Variants in CSMD3 observed in about 807,000 individuals in gnomAD.
The protein encoded by CSMD3 is CUB and Sushi multiple domains 3.
Under a neutral mutation model 435.2 loss-of-function variants are expected in CSMD3, and 177 were observed. That is an observed-to-expected ratio of 0.41 (90% CI 0.36 to 0.46). The LOEUF is 0.46. Ranked by LOEUF, CSMD3 falls within the 20% of genes least tolerant of loss-of-function variation. The pLI, the probability that CSMD3 is intolerant of heterozygous loss-of-function variation, is 0.34. For missense variants in CSMD3, 4,265 were observed against 4,504.6 expected (o/e 0.95, Z 1.52); for synonymous variants, 1,656 against 1,520.5 (o/e 1.09, Z -2.07).
chr8:112,962,394 C>G (rs1283408010), intron 7 of CSMD3, among the ~76,000 whole-genome samples: 1 of 151,724 alleles, frequency 6.6e-6, no homozygotes, highest in Non-Finnish European at 1.5e-5. Context: ...ATAAGGCCTT[C>G]TAATATGAGA....
At chr8:112,901,347 G>T (rs1350933228) in intron 10 of CSMD3, among the ~76,000 whole-genome samples, 1 of 151,156 alleles carries the variant, frequency 6.6e-6, no homozygotes, top group African/African-American at 2.4e-5. Flanking sequence ...CTGCTACAGT[G>T]GTGCTTTGGC....
At chr8:112,919,555 T>A (rs2082673339) in intron 10 of CSMD3, among the ~76,000 whole-genome samples, 2 of 151,848 alleles carry the variant, frequency 1.3e-5, no homozygotes, top group Admixed American at 1.3e-4. Context: ...TTAACATTAA[T>A]CTCCTTTTCT....
At chr8:112,642,602 A>C (rs1286449570) in intron 20 of CSMD3, among the ~76,000 whole-genome samples, 2 of 152,202 alleles carry the variant, frequency 1.3e-5, no homozygotes, top group East Asian at 1.9e-4. Flanking sequence ...AGAACATCTG[A>C]CTACACAATG....
intron 45 of CSMD3, among the ~76,000 whole-genome samples, chr8:112,329,917 T>A (rs1272380191): frequency 6.6e-6 from 1 of 151,900 alleles, no homozygotes; most frequent in Non-Finnish European, 1.5e-5. Flanking sequence ...TATACACACA[T>A]ATACACACAA....
chr8:112,335,152 T>C (rs957232021), intron 45 of CSMD3, among the ~76,000 whole-genome samples, 177 bp downstream of exon 45: 2 of 152,218 alleles, frequency 1.3e-5, no homozygotes, highest in Non-Finnish European at 1.5e-5. Flanking sequence ...CCCTGAATAC[T>C]TAGAAGAGGT....
intron 45 of CSMD3, among the ~76,000 whole-genome samples, chr8:112,330,287 G>A (rs1321021502): frequency 6.6e-6 from 1 of 151,964 alleles, no homozygotes; most frequent in African/African-American, 2.4e-5. Flanking sequence ...ACAATAATGA[G>A]TCATTATGTA....
chr8:112,327,113 T>G (rs1267641922), intron 45 of CSMD3, among the ~76,000 whole-genome samples: 1 of 152,182 alleles, frequency 6.6e-6, no homozygotes, highest in African/African-American at 2.4e-5. Context: ...TCCATGAGTT[T>G]AGCAACACAC....
At chr8:112,640,467 T>G (rs527273197) in intron 20 of CSMD3, among the ~76,000 whole-genome samples, 1 of 152,102 alleles carries the variant, frequency 6.6e-6, no homozygotes, top group African/African-American at 2.4e-5. Context: ...AAACAAATGA[T>G]TGAAAACACA....
chr8:112,575,834 G>C (rs1829897219), intron 23 of CSMD3, among the ~76,000 whole-genome samples: 2 of 152,002 alleles, frequency 1.3e-5, no homozygotes, highest in Admixed American at 1.3e-4. Flanking sequence ...ATTCTCAAAA[G>C]TATGCTTCTG....
At chr8:112,430,894 A>ATGTGTGTG (rs998332829) in intron 32 of CSMD3, among the ~76,000 whole-genome samples, 184 of 102,186 alleles carry the variant, frequency 1.8e-3, no homozygotes, top group African/African-American at 6.9e-3. Flanking sequence ...GTTTGTGTGT[A>ATGTGTGTG]TATGTGTGTG....
intron 38 of CSMD3, among the ~76,000 whole-genome samples, chr8:112,361,649 G>T (rs1163213087): frequency 7.2e-6 from 1 of 139,094 alleles, no homozygotes; most frequent in Non-Finnish European, 1.5e-5. Flanking sequence ...GATTTCAAAT[G>T]AGTGATTAAC....
intron 32 of CSMD3, among the ~76,000 whole-genome samples, chr8:112,412,387 A>G (rs746293287): frequency 1.3e-5 from 2 of 152,046 alleles, no homozygotes; most frequent in African/African-American, 2.4e-5. Context: ...TTCATTTCCA[A>G]GCACATACAG....
At chr8:112,360,315 C>G (rs1021273383) in intron 38 of CSMD3, among the ~76,000 whole-genome samples, 4 of 151,896 alleles carry the variant, frequency 2.6e-5, no homozygotes, top group Non-Finnish European at 4.4e-5. Context: ...CGACAGTTTC[C>G]TTCTCCAAGA....
intron 3 of CSMD3, among the ~76,000 whole-genome samples, chr8:113,254,883 G>A (rs867312963): frequency 6.6e-6 from 1 of 151,870 alleles, no homozygotes; most frequent in Non-Finnish European, 1.5e-5. Context: ...AATCACACTT[G>A]GCATTCATTC....
intron 1 of CSMD3, among the ~76,000 whole-genome samples, chr8:113,412,567 A>G (rs1336600919): frequency 6.6e-6 from 1 of 152,138 alleles, no homozygotes; most frequent in African/African-American, 2.4e-5. Flanking sequence ...AAAAGATGAT[A>G]TATCAACTTC....
intron 27 of CSMD3, among the ~76,000 whole-genome samples, chr8:112,519,366 T>C (rs760122391): frequency 2.0e-5 from 3 of 152,206 alleles, no homozygotes; most frequent in Non-Finnish European, 2.9e-5. Context: ...AATAGGCTTA[T>C]ATGTTATAAC....
At chr8:112,732,308 C>A (rs1164265370) in intron 13 of CSMD3, among the ~76,000 whole-genome samples, 1 of 152,020 alleles carries the variant, frequency 6.6e-6, no homozygotes, top group Non-Finnish European at 1.5e-5. Context: ...TCTCTCTTAA[C>A]TAAGATGGGA....
intron 4 of CSMD3, among the ~76,000 whole-genome samples, chr8:113,156,483 T>C (rs2091930620): frequency 6.6e-6 from 1 of 151,986 alleles, no homozygotes. Context: ...GTATCCCCAA[T>C]GCCTAGCATA....
chr8:112,270,729 T>G (rs1276113209), intron 59 of CSMD3, among the ~76,000 whole-genome samples: 1 of 152,138 alleles, frequency 6.6e-6, no homozygotes, highest in Non-Finnish European at 1.5e-5. Flanking sequence ...TGCTCTAATA[T>G]AAGTTAAAGA....
Sources: allele counts gnomAD v4.1 joint callset (sites outside exome capture counted in the v4.1 genomes callset), GRCh38; gene constraint gnomAD v4.1.1; transcripts MANE v1.5; gene names NCBI Gene and HGNC (gene_info 2026-07-23, HGNC 2026-07-21).